Variants in MERTK observed in about 807,000 individuals in gnomAD.
The protein encoded by MERTK is MER proto-oncogene, tyrosine kinase, also known as tyrosine-protein kinase Mer.
Under a neutral mutation model 99.3 loss-of-function variants are expected in MERTK, and 69 were observed. The ratio of observed to expected loss-of-function variants is 0.70; its 90% confidence interval spans 0.57 to 0.85. The LOEUF (loss-of-function observed/expected upper bound fraction) is 0.85. MERTK is among the 40% of genes least tolerant of loss of function. The pLI is 0.00. For synonymous variants in MERTK, 426 were observed against 467.6 expected, an observed-to-expected ratio of 0.91 and a Z score of 1.15; for missense variants, 1,125 against 1,249.4, an observed-to-expected ratio of 0.90 and a Z score of 1.50.
chr2:112,020,649 C>T (rs769132846), intron 16 of MERTK: 3 of 471,038 alleles, frequency 6.4e-6, no homozygotes, highest in Admixed American at 4.7e-5. Flanking sequence ...CTTGCTCTTA[C>T]TGCAGGTAAT....
At chr2:112,022,791 A>G (rs1677383302) in intron 18 of MERTK, among the ~76,000 whole-genome samples, 1 of 152,046 alleles carries the variant, frequency 6.6e-6, no homozygotes, top group African/African-American at 2.4e-5. Flanking sequence ...TTCTCCTTCT[A>G]TGTAGCATTT....
intron 1 of MERTK, among the ~76,000 whole-genome samples, chr2:111,918,523 A>G (rs1684396503): frequency 6.6e-6 from 1 of 152,250 alleles, no homozygotes; most frequent in South Asian, 2.1e-4. Flanking sequence ...CTGGCCAGAC[A>G]GTATTGCCTC....
At chr2:111,913,431 AT>A (rs1397150392) in intron 1 of MERTK, among the ~76,000 whole-genome samples, 2 of 152,208 alleles carry the variant, frequency 1.3e-5, no homozygotes, top group Non-Finnish European at 2.9e-5. Flanking sequence ...TTCAATGTCT[AT>A]GTGTTTATTG....
At chr2:111,962,088 G>A (rs1418228832) in intron 4 of MERTK, among the ~76,000 whole-genome samples, 1 of 152,180 alleles carries the variant, frequency 6.6e-6, no homozygotes, top group Non-Finnish European at 1.5e-5. Flanking sequence ...GAAGCAAATG[G>A]TGGCATATTT....
chr2:111,918,513 C>T (rs1489551413), intron 1 of MERTK, among the ~76,000 whole-genome samples: 2 of 152,202 alleles, frequency 1.3e-5, no homozygotes, highest in Admixed American at 1.3e-4. Flanking sequence ...CTTTGAGACC[C>T]TGGCCAGACA....
intron 5 of MERTK, among the ~76,000 whole-genome samples, chr2:111,965,628 C>T (rs1391194725): frequency 6.6e-6 from 1 of 152,100 alleles, no homozygotes; most frequent in Non-Finnish European, 1.5e-5. Context: ...TTCACTTTTC[C>T]CTCTTCCACC....
At chr2:111,921,217 A>G (rs1684451953) in intron 1 of MERTK, among the ~76,000 whole-genome samples, 1 of 152,066 alleles carries the variant, frequency 6.6e-6, no homozygotes, top group Non-Finnish European at 1.5e-5. Flanking sequence ...GGATACCAGC[A>G]TTTACAGGAT....
intron 10 of MERTK, among the ~76,000 whole-genome samples, chr2:112,000,577 G>A (rs1676848309): frequency 6.6e-6 from 1 of 152,168 alleles, no homozygotes; most frequent in Non-Finnish European, 1.5e-5. Context: ...GAGAGGAGGA[G>A]CACAGAATTA....
intron 4 of MERTK, among the ~76,000 whole-genome samples, chr2:111,948,090 A>G (rs973975259): frequency 6.6e-6 from 1 of 152,158 alleles, no homozygotes; most frequent in Non-Finnish European, 1.5e-5. Context: ...TGCTCTTGTC[A>G]ATACCACTGA....
chr2:112,025,466 G>C (rs1677444212), intron 18 of MERTK, among the ~76,000 whole-genome samples: 1 of 152,250 alleles, frequency 6.6e-6, no homozygotes, highest in South Asian at 2.1e-4. Context: ...CTTCTTGTCT[G>C]CCCCAAGAAC....
chr2:111,916,367 T>C (rs1684349762), intron 1 of MERTK, among the ~76,000 whole-genome samples: 1 of 152,240 alleles, frequency 6.6e-6, no homozygotes, highest in Non-Finnish European at 1.5e-5. Flanking sequence ...TTTAGATCTT[T>C]AATAGTAGTC....
intron 2 of MERTK, among the ~76,000 whole-genome samples, chr2:111,936,822 C>T (rs1684772530): frequency 6.6e-6 from 1 of 152,128 alleles, no homozygotes; most frequent in Non-Finnish European, 1.5e-5. Context: ...AGACCTTTCA[C>T]TGGAGTCTCC....
chr2:111,934,502 G>A (rs1684729590), intron 2 of MERTK, among the ~76,000 whole-genome samples: 1 of 151,898 alleles, frequency 6.6e-6, no homozygotes, highest in African/African-American at 2.4e-5. Context: ...CATGTTTGTT[G>A]GCCGCATAAA....
intron 2 of MERTK, chr2:111,941,016 C>T (rs1417682680): frequency 5.5e-6 from 3 of 547,460 alleles, no homozygotes; most frequent in Non-Finnish European, 1.1e-5. Flanking sequence ...AGTCAAGAGC[C>T]GTCAGCTTTC....
chr2:111,981,240 T>A (rs1463448829), intron 7 of MERTK, among the ~76,000 whole-genome samples: 1 of 152,214 alleles, frequency 6.6e-6, no homozygotes, highest in African/African-American at 2.4e-5. Context: ...ATTATTCTAA[T>A]TGTTATTATT....
intron 3 of MERTK, among the ~76,000 whole-genome samples, chr2:111,946,262 CAGG>C (rs1684959932): frequency 6.6e-6 from 1 of 152,124 alleles, no homozygotes. Context: ...AAAATATTTA[CAGG>C]AGATTTTATT....
At chr2:111,920,467 C>T (rs1171570372) in intron 1 of MERTK, among the ~76,000 whole-genome samples, 1 of 152,142 alleles carries the variant, frequency 6.6e-6, no homozygotes, top group Non-Finnish European at 1.5e-5. Flanking sequence ...TTAACATTCT[C>T]CAAGTGGCCC....
At chr2:112,017,634 A>G (rs77422000) in intron 15 of MERTK, among the ~76,000 whole-genome samples, 1 of 31,908 alleles carries the variant, frequency 3.1e-5, no homozygotes, top group Non-Finnish European at 9.8e-5. Flanking sequence ...CTTCGTCTCA[A>G]AAAAAAAAAA....
At chr2:111,974,769 CAAA>C (rs35594851) in intron 6 of MERTK, among the ~76,000 whole-genome samples, 5 of 53,378 alleles carry the variant, frequency 9.4e-5, no homozygotes, top group African/African-American at 2.9e-4. Context: ...AGGTCCATCT[CAAA>C]AAAAAAAAAA....
Sources: allele counts gnomAD v4.1 joint callset (sites outside exome capture counted in the v4.1 genomes callset), GRCh38; gene constraint gnomAD v4.1.1; transcripts MANE v1.5; gene names NCBI Gene and HGNC (gene_info 2026-07-23, HGNC 2026-07-21).